PEBP4: variants seen among roughly 807,000 people sequenced by gnomAD.
The protein encoded by PEBP4 is phosphatidylethanolamine-binding protein 4.
In PEBP4, 22 loss-of-function variants were observed where a neutral mutation model predicts 23.9. The ratio of observed to expected loss-of-function variants is 0.92; its 90% confidence interval spans 0.66 to 1.31. The LOEUF (loss-of-function observed/expected upper bound fraction) is 1.31, where lower values mean the gene tolerates loss of function less well. Ranked by LOEUF, PEBP4 falls within the 40% of genes most tolerant of loss-of-function variation. The pLI, the probability that PEBP4 is intolerant of heterozygous loss-of-function variation, is 0.00. For synonymous variants in PEBP4, 112 were observed against 99.3 expected (o/e 1.13, Z -0.76); for missense variants, 324 against 281.7 (o/e 1.15, Z -1.07).
At chr8:22,785,640 C>T (rs1474843524) in intron 4 of PEBP4, among the ~76,000 whole-genome samples, 1 of 152,130 alleles carries the variant, frequency 6.6e-6, no homozygotes, top group Non-Finnish European at 1.5e-5. Context: ...CAGATGGGCT[C>T]TGCCACCTGC....
At chr8:22,924,296 C>T (rs1809277393) in intron 2 of PEBP4, among the ~76,000 whole-genome samples, 1 of 152,180 alleles carries the variant, frequency 6.6e-6, no homozygotes, top group Admixed American at 6.5e-5. Context: ...CCCAGGTGTT[C>T]AAGGCTGCAG....
intron 3 of PEBP4, among the ~76,000 whole-genome samples, chr8:22,848,785 CAAG>C (rs1172969685): frequency 2.4e-4 from 36 of 152,168 alleles, no homozygotes; most frequent in Non-Finnish European, 2.9e-5. Context: ...TGAGTGTCAT[CAAG>C]AAGACAGGCA....
intron 3 of PEBP4, among the ~76,000 whole-genome samples, chr8:22,839,958 A>G (rs1442902609): frequency 1.3e-5 from 2 of 152,232 alleles, no homozygotes. Flanking sequence ...CAGCCATGAG[A>G]TTTCTAAGTG....
At chr8:22,901,443 C>T (rs1054664247) in intron 3 of PEBP4, among the ~76,000 whole-genome samples, 3 of 152,136 alleles carry the variant, frequency 2.0e-5, no homozygotes, top group African/African-American at 7.2e-5. Flanking sequence ...TAGGATCGGT[C>T]CTGCAGGGAG....
intron 3 of PEBP4, among the ~76,000 whole-genome samples, chr8:22,875,870 A>T (rs1104872): frequency 1.3e-5 from 2 of 151,998 alleles, no homozygotes; most frequent in African/African-American, 4.8e-5. Context: ...TGCTCTTTCT[A>T]GATTTAGAAT....
chr8:22,725,100 C>A (rs552431023), intron 5 of PEBP4, 144 bp from the exon 6 acceptor site: 5 of 594,722 alleles, frequency 8.4e-6, no homozygotes, highest in Non-Finnish European at 1.5e-5. Context: ...TTGTATTTGG[C>A]GGGATCTCAG....
At chr8:22,893,408 A>T (rs928830583) in intron 3 of PEBP4, among the ~76,000 whole-genome samples, 14 of 152,242 alleles carry the variant, frequency 9.2e-5, no homozygotes, top group African/African-American at 3.1e-4. Flanking sequence ...CACCTAAAAA[A>T]ATTACTAGAC....
intron 3 of PEBP4, among the ~76,000 whole-genome samples, chr8:22,867,012 G>A (rs1242215746): frequency 2.0e-5 from 3 of 152,126 alleles, no homozygotes; most frequent in African/African-American, 7.2e-5. Flanking sequence ...GAAATTGCAA[G>A]TAAATCTGTG....
intron 3 of PEBP4, chr8:22,884,598 A>G (rs1215938729): frequency 6.6e-6 from 1 of 152,218 alleles, no homozygotes; most frequent in Non-Finnish European, 1.5e-5. Flanking sequence ...AAGAGGGGGA[A>G]AGGGAGAAGA....
At chr8:22,797,185 G>T (rs145352386) in intron 4 of PEBP4, among the ~76,000 whole-genome samples, 2 of 150,876 alleles carry the variant, frequency 1.3e-5, no homozygotes, top group Non-Finnish European at 3.0e-5. Context: ...CCCAGGAGGC[G>T]GAGGTTGCGG....
intron 3 of PEBP4, among the ~76,000 whole-genome samples, chr8:22,839,846 C>G (rs1409903465): frequency 6.6e-6 from 1 of 152,048 alleles, no homozygotes; most frequent in Non-Finnish European, 1.5e-5. Context: ...TGTTTTTTAC[C>G]CCCTCGCCCA....
chr8:22,753,292 G>C (rs111849514), intron 4 of PEBP4, among the ~76,000 whole-genome samples: 3,669 of 152,272 alleles, frequency 0.024, 70 homozygotes, highest in Middle Eastern at 0.048. Context: ...GGAGGGAGCT[G>C]TGAGCATCCC....
At chr8:22,939,928 C>T (rs1809586480) in intron 1 of PEBP4, among the ~76,000 whole-genome samples, 1 of 152,176 alleles carries the variant, frequency 6.6e-6, no homozygotes, top group Non-Finnish European at 1.5e-5. Context: ...TTAATAAGCC[C>T]ATTTCATTAA....
At chr8:22,713,663 G>GT in intron 6 of PEBP4, 127 bp from the exon 7 acceptor site, 1 of 1,336,186 alleles carries the variant, frequency 7.5e-7, no homozygotes, top group Non-Finnish European at 1.0e-6. Flanking sequence ...GCCATGGGGC[G>GT]TAGTGGCTGG....
chr8:22,826,834 C>G (rs183614953), intron 3 of PEBP4, among the ~76,000 whole-genome samples: 4 of 152,256 alleles, frequency 2.6e-5, no homozygotes, highest in African/African-American at 9.6e-5. Flanking sequence ...TTCTATCATT[C>G]TGATTTTTAA....
chr8:22,937,313 T>C (rs557834556), intron 1 of PEBP4, among the ~76,000 whole-genome samples: 8 of 152,140 alleles, frequency 5.3e-5, no homozygotes, highest in African/African-American at 1.9e-4. Flanking sequence ...AGAATTCAAA[T>C]AGGAAATTAG....
At chr8:22,820,437 A>G (rs1806834071) in intron 3 of PEBP4, among the ~76,000 whole-genome samples, 1 of 152,192 alleles carries the variant, frequency 6.6e-6, no homozygotes, top group Admixed American at 6.5e-5. Flanking sequence ...AGTGAGTAAG[A>G]TGAATGGAGT....
At chr8:22,746,863 A>G (rs975008776) in intron 4 of PEBP4, among the ~76,000 whole-genome samples, 1 of 152,152 alleles carries the variant, frequency 6.6e-6, no homozygotes, top group African/African-American at 2.4e-5. Context: ...GGAGTTGTAA[A>G]AAGAATTATT....
chr8:22,851,752 T>A (rs190226203), intron 3 of PEBP4, among the ~76,000 whole-genome samples: 1 of 151,858 alleles, frequency 6.6e-6, no homozygotes, highest in African/African-American at 2.4e-5. Flanking sequence ...AAGCGAGGAC[T>A]TGGGGGGAAG....
Sources: gnomAD v4.1 joint callset for allele counts (sites outside exome capture counted in the v4.1 genomes callset) on GRCh38, gnomAD v4.1.1 for gene constraint, MANE v1.5 for transcripts, NCBI Gene and HGNC (gene_info 2026-07-23, HGNC 2026-07-21) for gene names.